PPP1R9A: variants seen among roughly 807,000 people sequenced by gnomAD.
PPP1R9A encodes neurabin-1.
Under a neutral mutation model 141.9 loss-of-function variants are expected in PPP1R9A, and 59 were observed. The observed-to-expected ratio is 0.42, with a 90% CI of 0.34 to 0.52. The LOEUF is 0.52. Ranked by LOEUF, PPP1R9A falls within the 20% of genes least tolerant of loss-of-function variation. The pLI is 0.10. For synonymous variants in PPP1R9A, 500 were observed against 569.7 expected, an observed-to-expected ratio of 0.88 and a Z score of 1.74; for missense variants, 1,444 against 1,611.9, an observed-to-expected ratio of 0.90 and a Z score of 1.78.
chr7:95,253,554 A>G (rs910194872), intron 12 of PPP1R9A, among the ~76,000 whole-genome samples: 1 of 152,202 alleles, frequency 6.6e-6, no homozygotes, highest in African/African-American at 2.4e-5. Context: ...AGGATTTAGC[A>G]TTAGCATTAC....
chr7:95,222,402 T>G (rs1239269105), intron 7 of PPP1R9A, among the ~76,000 whole-genome samples: 1 of 151,974 alleles, frequency 6.6e-6, no homozygotes, highest in Non-Finnish European at 1.5e-5. Flanking sequence ...TTCCTCAAAT[T>G]AAGATAGTAT....
At chr7:95,104,047 A>G (rs190339687) in intron 2 of PPP1R9A, among the ~76,000 whole-genome samples, 5 of 152,316 alleles carry the variant, frequency 3.3e-5, no homozygotes, top group East Asian at 1.9e-4. Context: ...CTGCACCCAG[A>G]TATTGGTACT....
At chr7:95,139,223 G>T (rs1375478121) in intron 4 of PPP1R9A, among the ~76,000 whole-genome samples, 1 of 152,148 alleles carries the variant, frequency 6.6e-6, no homozygotes, top group Non-Finnish European at 1.5e-5. Context: ...ATGGCAGAAG[G>T]CACCTCCTCA....
intron 4 of PPP1R9A, among the ~76,000 whole-genome samples, chr7:95,135,547 A>T (rs1282953573): frequency 2.6e-5 from 4 of 151,980 alleles, no homozygotes; most frequent in Non-Finnish European, 5.9e-5. Flanking sequence ...TTATCACCTT[A>T]GTTTTCGTTC....
intron 2 of PPP1R9A, among the ~76,000 whole-genome samples, chr7:94,924,909 T>G (rs902652700): frequency 6.6e-6 from 1 of 152,170 alleles, no homozygotes. Context: ...AGCCTGTCCC[T>G]CAGATGGTTG....
rs1795099268 is a variant in PPP1R9A at position 95,226,012 on chromosome 7, C to G, written c.2008C>G (p.Pro670Ala). ...AGAAGATGAGGTAGGACCTGTCCTT[C>G]CTGGCAGCGACATGGCCATTGAAGT... Reference protein sequence around the residue: ...EEEDEVGPVLPGSDMAIEVFE... With the variant: ...EEEDEVGPVLAGSDMAIEVFE... The change falls in exon 8 of 20, where the codon CCT becomes GCT. Residue 670 changes from proline (P) to alanine (A), a missense_variant. By Grantham distance (27) the Pro-to-Ala change is conservative (BLOSUM62 -1). Transcript: ENST00000433360. 1 of 1,613,554 alleles carries G rather than the reference C, an allele frequency of 6.2e-7. No individual in the cohort carries two copies. Among genetic ancestry groups the G allele is most frequent in the Non-Finnish European group, 8.5e-7 (1 of 1,179,640 alleles).
intron 12 of PPP1R9A, among the ~76,000 whole-genome samples, chr7:95,261,580 A>G (rs1800438021): frequency 6.6e-6 from 1 of 152,124 alleles, no homozygotes; most frequent in African/African-American, 2.4e-5. Flanking sequence ...TTTTAAGTTA[A>G]TGTTTGATTT....
intron 2 of PPP1R9A, among the ~76,000 whole-genome samples, chr7:95,057,951 G>A (rs1165302537): frequency 1.3e-5 from 2 of 152,240 alleles, no homozygotes; most frequent in African/African-American, 2.4e-5. Context: ...TAATTGGAAT[G>A]ACCATATTTG....
At chr7:95,062,335 A>C (rs1442310509) in intron 2 of PPP1R9A, among the ~76,000 whole-genome samples, 1 of 152,160 alleles carries the variant, frequency 6.6e-6, no homozygotes, top group African/African-American at 2.4e-5. Flanking sequence ...CCTGTGCATC[A>C]GTGTGAAAGA....
In PPP1R9A at chr7:95,269,285, T is replaced by G; in HGVS notation, c.2902T>G (p.Ser968Ala). 6.3e-7 allele frequency: 1 copy of G among 1,589,318 alleles called. No homozygotes were observed. The highest frequency in any genetic ancestry group is 1.3e-5 in the African/African-American group (1 of 74,782). Residue 968 changes from serine (S) to alanine (A), a missense_variant, in exon 14 of 20, where the codon TCA becomes GCA. By Grantham distance (99) the Ser-to-Ala change is moderately conservative. Coordinates refer to ENST00000433360, the MANE Select transcript of PPP1R9A (RefSeq NM_001166160.2). ...GGGTTTGAGAACGTCTTCTCCAGAA[T>G]CAGATTCTGGTGTTCCACCCCTCAC... The part of the protein sequence containing the change: ...PKGLRTSSPE[S>A]DSGVPPLTPV...
rs1226838415 is a variant in PPP1R9A, at chr7:95,079,103, T to G, written c.1396-32156T>G. Among the ~76,000 whole-genome samples the G allele has an allele frequency of 2.6e-5, 4 of 152,360 alleles. No homozygotes were observed. The East Asian group carries it at 7.7e-4, about 29-fold the overall frequency. On this transcript the variant is annotated intron_variant, in intron 2 of 19. Coordinates refer to ENST00000433360, the MANE Select transcript of PPP1R9A (RefSeq NM_001166160.2). ...ATGCCTAGGTTTTCTTCTAGCGTAT[T>G]TATGGTTTTAGGTCTAACGTTTAAG...
intron 2 of PPP1R9A, among the ~76,000 whole-genome samples, chr7:95,095,462 C>G (rs1817900671): frequency 6.6e-6 from 1 of 152,162 alleles, no homozygotes; most frequent in African/African-American, 2.4e-5. Flanking sequence ...ATAACACTGT[C>G]CTCGACATGT....
Position 95,205,495 on chromosome 7 carries a change from C to T in PPP1R9A, c.1956+1765C>T, listed in dbSNP as rs1469475358. Among the ~76,000 whole-genome samples the T allele has an allele frequency of 2.0e-5, 3 of 152,158 alleles. No individual in the cohort carries two copies. The East Asian group carries it at 5.8e-4, about 29-fold the overall frequency. ...GACAGTATTTTTCTGACTTTAAAAA[C>T]ATATATTTTATTAGTTGAATAATTT... On this transcript the variant is annotated intron_variant, in intron 7 of 19. Coordinates refer to ENST00000433360, the MANE Select transcript of PPP1R9A (RefSeq NM_001166160.2).
In PPP1R9A at chr7:95,232,094, C is replaced by T. The variant is rs148249012; in HGVS notation, c.2112+5978C>T. On this transcript the variant is annotated intron_variant, in intron 8 of 19. Coordinates refer to ENST00000433360, the MANE Select transcript of PPP1R9A (RefSeq NM_001166160.2). Reference sequence around the variant, plus strand: ...TACCACAGAAATAGAAAAGATCATTCAAGGCTACTATGAAAACCTTTACAC... The same window carrying T: ...TACCACAGAAATAGAAAAGATCATTTAAGGCTACTATGAAAACCTTTACAC... Among the ~76,000 whole-genome samples the T allele has an allele frequency of 4.3e-3, 650 of 152,164 alleles. 4 individuals are homozygous for T. Among genetic ancestry groups the T allele is most frequent in the African/African-American group, 0.014 (586 of 41,528 alleles).
At chr7:95,272,070 G>C (rs976283995) in intron 14 of PPP1R9A, among the ~76,000 whole-genome samples, 1 of 152,300 alleles carries the variant, frequency 6.6e-6, no homozygotes. Flanking sequence ...CTAGCACCAA[G>C]CTCTGTGATA....
At chr7:94,960,301 G>C (rs976153573) in intron 2 of PPP1R9A, among the ~76,000 whole-genome samples, 5 of 150,698 alleles carry the variant, frequency 3.3e-5, no homozygotes, top group African/African-American at 9.7e-5. Flanking sequence ...TGATTCTACT[G>C]ATCCTAAGTA....
intron 4 of PPP1R9A, among the ~76,000 whole-genome samples, chr7:95,127,906 T>G (rs1788389865): frequency 6.6e-6 from 1 of 152,234 alleles, no homozygotes; most frequent in Non-Finnish European, 1.5e-5. Context: ...CATTTTTCTC[T>G]GTCTAGTCCA....
intron 2 of PPP1R9A, among the ~76,000 whole-genome samples, chr7:95,089,370 C>T (rs116851306): frequency 0.022 from 3,414 of 152,044 alleles, 63 homozygotes; most frequent in Middle Eastern, 0.037. Context: ...TTATAGAGAA[C>T]CATTCTGAAA....
chr7:95,125,057 CAT>C (rs903241218), intron 4 of PPP1R9A, among the ~76,000 whole-genome samples: 4 of 152,178 alleles, frequency 2.6e-5, no homozygotes, highest in African/African-American at 7.2e-5. Context: ...TCAAGCTTTT[CAT>C]GTGTGTACTT....
Sources: allele counts gnomAD v4.1 joint callset (sites outside exome capture counted in the v4.1 genomes callset), GRCh38; gene constraint gnomAD v4.1.1; transcripts MANE v1.5; gene names NCBI Gene and HGNC (gene_info 2026-07-23, HGNC 2026-07-21).